The following EYA4 variants were observed in gnomAD, a reference collection of about 807,000 sequenced individuals.
EYA4 encodes EYA transcriptional coactivator and phosphatase 4.
In EYA4, 31 loss-of-function variants were observed where a neutral mutation model predicts 87.9. The ratio of observed to expected loss-of-function variants is 0.35; its 90% confidence interval spans 0.27 to 0.48. EYA4 has a LOEUF of 0.48. Among genes scored for constraint, EYA4 ranks in the 20% least tolerant of loss-of-function variants. EYA4 has a pLI of 0.99. For synonymous variants in EYA4, 263 were observed against 270.6 expected (o/e 0.97, Z 0.28); for missense variants, 678 against 761.4 (o/e 0.89, Z 1.29).
intron 2 of EYA4, among the ~76,000 whole-genome samples, chr6:133,294,062 T>TATATATAAAA (rs71003632): frequency 9.2e-4 from 97 of 105,138 alleles, no homozygotes; most frequent in Middle Eastern, 5.3e-3. Flanking sequence ...TATATATATA[T>TATATATAAAA]AATTCTATTC....
At chr6:133,399,975 T>G (rs2128511974) in intron 3 of EYA4, among the ~76,000 whole-genome samples, 1 of 152,306 alleles carries the variant, frequency 6.6e-6, no homozygotes, top group South Asian at 2.1e-4. Flanking sequence ...GAACTAGGGT[T>G]TTCAAATTTC....
intron 1 of EYA4, among the ~76,000 whole-genome samples, chr6:133,265,686 A>G (rs1466167148): frequency 1.3e-5 from 2 of 152,192 alleles, no homozygotes; most frequent in Non-Finnish European, 2.9e-5. Flanking sequence ...AATTCACGTT[A>G]CCATAAAAAG....
intron 2 of EYA4, among the ~76,000 whole-genome samples, chr6:133,306,214 C>T (rs1184225509): frequency 6.6e-6 from 1 of 152,166 alleles, no homozygotes; most frequent in Admixed American, 6.6e-5. Flanking sequence ...ACCAAAGATA[C>T]TTACCGCGGT....
chr6:133,331,896 G>A (rs1269727802), intron 2 of EYA4, among the ~76,000 whole-genome samples: 4 of 152,314 alleles, frequency 2.6e-5, no homozygotes, highest in Admixed American at 2.6e-4. Flanking sequence ...TCACATTTTG[G>A]TATCAGCTAT....
At chr6:133,348,282 T>A (rs1212391940) in intron 2 of EYA4, among the ~76,000 whole-genome samples, 3 of 137,062 alleles carry the variant, frequency 2.2e-5, no homozygotes, top group African/African-American at 8.2e-5. Flanking sequence ...TTTTTTTTTT[T>A]TTTTTTTTGG....
intron 1 of EYA4, among the ~76,000 whole-genome samples, chr6:133,271,401 A>G (rs146565066): frequency 1.3e-5 from 2 of 152,264 alleles, no homozygotes; most frequent in East Asian, 3.9e-4. Context: ...GTCAGAGGCA[A>G]TGCTGTGTGG....
intron 19 of EYA4, among the ~76,000 whole-genome samples, chr6:133,528,347 C>T (rs1030609959): frequency 2.0e-5 from 3 of 151,954 alleles, no homozygotes; most frequent in East Asian, 1.9e-4. Flanking sequence ...TTGAGAGGCC[C>T]GTAGGAGTGA....
At chr6:133,518,191 C>T in intron 17 of EYA4, among the ~76,000 whole-genome samples, 1 of 151,628 alleles carries the variant, frequency 6.6e-6, no homozygotes, top group East Asian at 1.9e-4. Flanking sequence ...AAGATGTCTT[C>T]TATATAAGTT....
intron 19 of EYA4, chr6:133,526,032 C>A: frequency 2.5e-6 from 1 of 396,638 alleles, no homozygotes; most frequent in Non-Finnish European, 3.4e-6. Context: ...TAAGCCTTTT[C>A]ATCTGGCCCG....
chr6:133,287,381 A>C (rs771053266), intron 2 of EYA4, among the ~76,000 whole-genome samples: 2 of 152,186 alleles, frequency 1.3e-5, no homozygotes, highest in African/African-American at 2.4e-5. Context: ...AAGAGAACCT[A>C]TCCTGGCCTG....
At chr6:133,360,863 A>G (rs1161144683) in intron 2 of EYA4, among the ~76,000 whole-genome samples, 2 of 152,334 alleles carry the variant, frequency 1.3e-5, no homozygotes, top group South Asian at 2.1e-4. Context: ...CTGAAATAGC[A>G]TAGAGATTGG....
chr6:133,298,072 C>T (rs1779081110), intron 2 of EYA4, among the ~76,000 whole-genome samples: 1 of 152,070 alleles, frequency 6.6e-6, no homozygotes, highest in African/African-American at 2.4e-5. Flanking sequence ...CATCTCTTTA[C>T]TTTTTTCTTG....
intron 3 of EYA4, among the ~76,000 whole-genome samples, chr6:133,422,406 A>G (rs1347109358): frequency 1.3e-5 from 2 of 152,220 alleles, no homozygotes; most frequent in Non-Finnish European, 2.9e-5. Context: ...TAAAAATCTA[A>G]GATTATATTC....
intron 2 of EYA4, among the ~76,000 whole-genome samples, chr6:133,367,498 C>T (rs1784942722): frequency 6.6e-6 from 1 of 152,184 alleles, no homozygotes; most frequent in Non-Finnish European, 1.5e-5. Context: ...GAAGGATATT[C>T]ATGCATCCAA....
At chr6:133,370,449 A>C (rs942006043) in intron 2 of EYA4, among the ~76,000 whole-genome samples, 4 of 152,236 alleles carry the variant, frequency 2.6e-5, no homozygotes, top group East Asian at 3.8e-4. Flanking sequence ...TGATAGAAGA[A>C]ACTTGTACAT....
At chr6:133,359,689 A>G (rs769158050) in intron 2 of EYA4, among the ~76,000 whole-genome samples, 17 of 152,168 alleles carry the variant, frequency 1.1e-4, no homozygotes, top group South Asian at 2.1e-4. Context: ...TACTTTGAAA[A>G]TATTTGCCAA....
At chr6:133,465,092 G>A (rs1794734041) in intron 10 of EYA4, among the ~76,000 whole-genome samples, 1 of 152,086 alleles carries the variant, frequency 6.6e-6, no homozygotes, top group Non-Finnish European at 1.5e-5. Flanking sequence ...CATTTATGCT[G>A]TAGTTGTTTT....
intron 1 of EYA4, among the ~76,000 whole-genome samples, chr6:133,268,288 T>G (rs1351537660): frequency 1.3e-5 from 2 of 152,244 alleles, no homozygotes; most frequent in Non-Finnish European, 2.9e-5. Flanking sequence ...CTTTTACTTT[T>G]GGGGCTGTTT....
intron 2 of EYA4, among the ~76,000 whole-genome samples, chr6:133,356,146 A>G (rs1583044804): frequency 2.0e-5 from 3 of 152,086 alleles, no homozygotes; most frequent in Admixed American, 1.3e-4. Context: ...CATCGTGATG[A>G]CCCTGCTCCT....
Sources: gnomAD v4.1 joint callset for allele counts (sites outside exome capture counted in the v4.1 genomes callset) on GRCh38, gnomAD v4.1.1 for gene constraint, MANE v1.5 for transcripts, NCBI Gene and HGNC (gene_info 2026-07-23, HGNC 2026-07-21) for gene names.